Variants in CHST11 observed in about 807,000 individuals in gnomAD.
CHST11 encodes carbohydrate sulfotransferase 11, also known as C4S-1.
CHST11 carries 9 observed loss-of-function variants against 30.4 expected under a neutral mutation model. The ratio of observed to expected loss-of-function variants is 0.30; its 90% CI spans 0.18 to 0.52. The LOEUF (loss-of-function observed/expected upper bound fraction) is 0.52, where lower values mean the gene tolerates loss of function less well. Ranked by LOEUF, CHST11 falls within the 20% of genes least tolerant of loss-of-function variation. CHST11 has a pLI of 0.97. For synonymous variants in CHST11, 152 were observed against 187.8 expected (o/e 0.81, Z 1.56); for missense variants, 348 against 460.6 (o/e 0.76, Z 2.24).
chr12:104,528,482 A>G (rs1276980857), intron 1 of CHST11, among the ~76,000 whole-genome samples: 1 of 152,216 alleles, frequency 6.6e-6, no homozygotes, highest in Non-Finnish European at 1.5e-5. Flanking sequence ...AAACGTAGGA[A>G]GAAATTGTTC....
In CHST11 at chr12:104,601,900, C is replaced by A; in HGVS notation, c.119-6C>A. The A allele has an allele frequency of 6.2e-7, 1 of 1,610,788 alleles. No individual in the cohort carries two copies. Among genetic ancestry groups the A allele is most frequent in the Non-Finnish European group, 8.5e-7 (1 of 1,178,238 alleles). ...TTTCTGATGAGCCTTCACTTTCTTT[C>A]CTCAGTCATGCGGAGGAATCCCTTT... On this transcript the variant is annotated splice_region_variant and splice_polypyrimidine_tract_variant and intron_variant, in intron 1 of 2. Transcript: ENST00000303694.
intron 2 of CHST11, among the ~76,000 whole-genome samples, chr12:104,728,859 G>A (rs1465097005): frequency 6.6e-6 from 1 of 152,116 alleles, no homozygotes; most frequent in African/African-American, 2.4e-5. Flanking sequence ...GACAGAAAGG[G>A]GAAGCTCCAA....
At chr12:104,551,752 G>C (rs546942551) in intron 1 of CHST11, among the ~76,000 whole-genome samples, 1 of 152,234 alleles carries the variant, frequency 6.6e-6, no homozygotes, top group South Asian at 2.1e-4. Flanking sequence ...TGAATCTAAA[G>C]CTTCATGTGA....
chr12:104,554,584 C>G (rs2038436685), intron 1 of CHST11, among the ~76,000 whole-genome samples: 1 of 152,186 alleles, frequency 6.6e-6, no homozygotes, highest in South Asian at 2.1e-4. Context: ...CCCTGGGTAC[C>G]AGGGAAGCTG....
chr12:104,474,784 C>T (rs569743150), intron 1 of CHST11, among the ~76,000 whole-genome samples: 13 of 152,272 alleles, frequency 8.5e-5, no homozygotes, highest in African/African-American at 3.1e-4. Flanking sequence ...GGGTTCTTGT[C>T]CCAGTTCTTC....
At chr12:104,578,817 A>C (rs1487453802) in intron 1 of CHST11, among the ~76,000 whole-genome samples, 1 of 152,224 alleles carries the variant, frequency 6.6e-6, no homozygotes, top group Non-Finnish European at 1.5e-5. Flanking sequence ...CAACAGTGTT[A>C]ATTGGAGATA....
intron 2 of CHST11, among the ~76,000 whole-genome samples, chr12:104,629,801 AAG>A (rs1320997712): frequency 3.9e-5 from 6 of 152,330 alleles, no homozygotes; most frequent in Admixed American, 2.0e-4. Context: ...CAGCCTGGGC[AAG>A]AGTTAATGGG....
chr12:104,656,894 T>G (rs1344675), intron 2 of CHST11, among the ~76,000 whole-genome samples: 80,834 of 152,052 alleles, frequency 0.53, 22,322 homozygotes, highest in African/African-American at 0.67. Flanking sequence ...ACAGTCCCAG[T>G]TCCCTACCTC....
Position 104,713,702 on chromosome 12 carries a change from C to T in CHST11, c.205-43247C>T, listed in dbSNP as rs191774919. Among the ~76,000 whole-genome samples the T allele has an allele frequency of 5.1e-4, 77 of 152,204 alleles. No homozygotes were observed. In the East Asian group the frequency reaches 6.8e-3, roughly 13 times the overall value. ...CTGACTCCTGAGGCCAGGTCCACAC[C>T]GGGCTATGTGTTTCCTGATTTGAGG... On this transcript the variant is annotated intron_variant, in intron 2 of 2. Transcript: ENST00000303694.
rs181409856 is a variant in CHST11 at position 104,551,762 on chromosome 12, A to G, written c.119-50144A>G. Among the ~76,000 whole-genome samples the G allele has an allele frequency of 7.2e-5, 11 of 152,200 alleles. No individual in the cohort carries two copies. In the East Asian group the frequency reaches 2.1e-3, roughly 29 times the overall value. On this transcript the variant is annotated intron_variant, in intron 1 of 2. Coordinates refer to ENST00000303694, the MANE Select transcript of CHST11 (RefSeq NM_018413.6). ...GTAATTGAATCTAAAGCTTCATGTG[A>G]GGCCGTACGGAAGTGGTGCGAGGTG... is the stretch of plus-strand genomic sequence containing the variant.
At chr12:104,744,484 T>C (rs1039328780) in intron 2 of CHST11, among the ~76,000 whole-genome samples, 5 of 152,234 alleles carry the variant, frequency 3.3e-5, no homozygotes, top group African/African-American at 1.2e-4. Flanking sequence ...AAGTTCCTTA[T>C]AGATGCTGGA....
intron 2 of CHST11, among the ~76,000 whole-genome samples, chr12:104,685,728 G>A (rs1391496425): frequency 2.0e-5 from 3 of 152,224 alleles, no homozygotes; most frequent in Admixed American, 6.5e-5. Context: ...AGAATTTTGT[G>A]TGAGAGATTG....
In CHST11 at chr12:104,759,907, A is replaced by T. The variant is rs1419707405; in HGVS notation, c.*2104A>T. On this transcript the variant is annotated 3_prime_UTR_variant, in exon 3 of 3. Transcript: ENST00000303694. ...TCAGAAATGGGACTTCTGATAATGA[A>T]ACAGGTTGTCCAACATTTTCTAATA... 6.6e-6 allele frequency: 1 copy of T among 152,204 alleles called. No individual in the cohort carries two copies. Among genetic ancestry groups the T allele is most frequent in the Non-Finnish European group, 1.5e-5 (1 of 68,048 alleles). The allele number at this position is 152,204 out of a possible 1,614,324, so 9.4% of individuals were successfully genotyped here.
intron 1 of CHST11, among the ~76,000 whole-genome samples, chr12:104,589,816 C>A (rs71468217): frequency 6.6e-6 from 1 of 151,990 alleles, no homozygotes; most frequent in South Asian, 2.1e-4. Context: ...TCAAGACCAG[C>A]GTGGTCAACA....
intron 2 of CHST11, among the ~76,000 whole-genome samples, chr12:104,724,799 T>TA (rs1322038484): frequency 6.6e-6 from 1 of 152,186 alleles, no homozygotes; most frequent in Admixed American, 6.5e-5. Context: ...GACTGTTAAA[T>TA]ACAAGAACAC....
At chr12:104,755,276 C>G (rs1046895861) in intron 2 of CHST11, among the ~76,000 whole-genome samples, 1 of 152,200 alleles carries the variant, frequency 6.6e-6, no homozygotes, top group South Asian at 2.1e-4. Flanking sequence ...CAGCTGCATT[C>G]TCAGGACTCA....
chr12:104,628,239 G>T (rs754009333), intron 2 of CHST11, among the ~76,000 whole-genome samples: 11 of 152,120 alleles, frequency 7.2e-5, no homozygotes, highest in Non-Finnish European at 1.3e-4. Flanking sequence ...TAATCCCAAC[G>T]GTCCCGTTCT....
At chr12:104,662,773 G>T (rs2039608838) in intron 2 of CHST11, among the ~76,000 whole-genome samples, 1 of 152,104 alleles carries the variant, frequency 6.6e-6, no homozygotes, top group Non-Finnish European at 1.5e-5. Context: ...TGTTTTTTAG[G>T]TGTAATACAA....
intron 2 of CHST11, among the ~76,000 whole-genome samples, chr12:104,746,320 G>A (rs1423180583): frequency 6.6e-6 from 1 of 152,094 alleles, no homozygotes; most frequent in African/African-American, 2.4e-5. Flanking sequence ...TACAAAAGAA[G>A]TACTTTAACT....
Sources: gnomAD v4.1 joint callset for allele counts (sites outside exome capture counted in the v4.1 genomes callset) on GRCh38, gnomAD v4.1.1 for gene constraint, MANE v1.5 for transcripts, NCBI Gene and HGNC (gene_info 2026-07-23, HGNC 2026-07-21) for gene names.